FANCD2: variants seen among roughly 807,000 people sequenced by gnomAD.
FANCD2 encodes the protein FA complementation group D2.
A neutral mutation model predicts 192.3 loss-of-function variants in FANCD2; 131 were observed. The observed-to-expected ratio is 0.68, with a 90% CI of 0.59 to 0.79. FANCD2 has a LOEUF of 0.79. Ranked by LOEUF, FANCD2 falls within the 30% of genes least tolerant of loss-of-function variation. The pLI, the probability that FANCD2 is intolerant of heterozygous loss-of-function variation, is 0.00. For synonymous variants in FANCD2, 524 were observed against 612.5 expected (o/e 0.86, Z 2.13); for missense variants, 1,508 against 1,701.6 (o/e 0.89, Z 2.00).
chr3:10,085,681 C>A, intron 32 of FANCD2, 131 bp from the exon 33 acceptor site: 2 of 729,468 alleles, frequency 2.7e-6, no homozygotes, highest in Non-Finnish European at 5.1e-6. Context: ...TGAGCCACCA[C>A]GCCCGACCTC....
chr3:10,061,815 C>T (rs2087575765), intron 19 of FANCD2, among the ~76,000 whole-genome samples: 1 of 152,114 alleles, frequency 6.6e-6, no homozygotes. Flanking sequence ...AGTCAGAATT[C>T]TTAAACTTAT....
At position 10,088,825 on chromosome 3, in the gene FANCD2, C is replaced by T. The variant is rs766698512; in HGVS notation, c.3561-3C>T. 6.2e-7 allele frequency: 1 copy of T among 1,613,912 alleles called. No homozygotes were observed. The highest frequency in any genetic ancestry group is 1.1e-5 in the South Asian group (1 of 91,082). The stretch of plus-strand genomic sequence containing the variant: ...TGGGTCAAATATTTGACTCTCAATG[C>T]AGTATCTACCTGGAGCACACAGAGA... On this transcript the variant is annotated splice_polypyrimidine_tract_variant and splice_region_variant and intron_variant, in intron 35 of 43. Coordinates refer to ENST00000675286, the MANE Select transcript of FANCD2 (RefSeq NM_001018115.3).
At chr3:10,075,728 CTTTTTTTT>C (rs71052292) in intron 29 of FANCD2, among the ~76,000 whole-genome samples, 1 of 106,618 alleles carries the variant, frequency 9.4e-6, no homozygotes, top group African/African-American at 3.7e-5. Flanking sequence ...AAATAGTATC[CTTTTTTTT>C]TTTTTTTTTT....
At chr3:10,043,283 CATAT>C (rs1349859550) in intron 12 of FANCD2, 133 bp downstream of exon 12, 10 of 814,988 alleles carry the variant, frequency 1.2e-5, no homozygotes, top group Admixed American at 6.3e-5. Context: ...TTTCAAATTA[CATAT>C]ATGTATGTGA....
intron 42 of FANCD2, among the ~76,000 whole-genome samples, chr3:10,098,506 A>G (rs1190403119): frequency 6.6e-6 from 1 of 152,210 alleles, no homozygotes; most frequent in East Asian, 1.9e-4. Context: ...ACCTTTCGTT[A>G]CATTACTTAT....
chr3:10,032,407 A>C (rs1266850642), intron 2 of FANCD2: 1 of 303,512 alleles, frequency 3.3e-6, no homozygotes, highest in East Asian at 1.0e-4. Context: ...TAGCCTCCGA[A>C]GTAGCTGGGA....
intron 18 of FANCD2, among the ~76,000 whole-genome samples, chr3:10,054,460 T>C (rs1490971135): frequency 8.9e-4 from 24 of 26,974 alleles, no homozygotes; most frequent in Non-Finnish European, 1.4e-3. Context: ...TATATATATA[T>C]ATATATATAT....
At chr3:10,040,573 C>T (rs1465961065) in intron 9 of FANCD2, 2 of 456,628 alleles carry the variant, frequency 4.4e-6, no homozygotes, top group South Asian at 3.1e-5. Flanking sequence ...CATCAGACCG[C>T]TTGCGGAGAC....
intron 29 of FANCD2, among the ~76,000 whole-genome samples, chr3:10,076,157 A>G (rs1269785272): frequency 6.6e-6 from 1 of 151,850 alleles, no homozygotes; most frequent in African/African-American, 2.4e-5. Context: ...TAGCAGTGTA[A>G]TATAGCTATT....
chr3:10,063,459 T>G (rs2087624303), intron 20 of FANCD2, among the ~76,000 whole-genome samples: 1 of 152,092 alleles, frequency 6.6e-6, no homozygotes, highest in South Asian at 2.1e-4. Context: ...GAAAAAGCTA[T>G]TTGAGAGAGA....
At chr3:10,045,733 G>T (rs532473017) in intron 14 of FANCD2, 1 of 150,854 alleles carries the variant, frequency 6.6e-6, no homozygotes, top group Non-Finnish European at 1.5e-5. Context: ...TCCCAAGTAG[G>T]TGGGATTACA....
At chr3:10,038,579 C>CTT (rs573306335) in intron 7 of FANCD2, among the ~76,000 whole-genome samples, 31 of 128,944 alleles carry the variant, frequency 2.4e-4, no homozygotes, top group Non-Finnish European at 3.2e-4. Flanking sequence ...TATATGCTTG[C>CTT]TTTTTTTTTT....
At chr3:10,028,766 T>A in intron 2 of FANCD2, 45 bp downstream of exon 2, 1 of 1,477,088 alleles carries the variant, frequency 6.8e-7, no homozygotes, top group Non-Finnish European at 9.5e-7. Flanking sequence ...TAGCAATGTG[T>A]GAGGCATGTG....
intron 30 of FANCD2, among the ~76,000 whole-genome samples, chr3:10,078,475 C>T (rs557004916): frequency 1.2e-4 from 18 of 152,000 alleles, no homozygotes; most frequent in South Asian, 4.1e-4. Context: ...CTGCCTCAGC[C>T]TCCCGAGTAG....
chr3:10,075,879 T>C (rs562696555), intron 29 of FANCD2, among the ~76,000 whole-genome samples: 18 of 151,884 alleles, frequency 1.2e-4, no homozygotes, highest in African/African-American at 3.6e-4. Flanking sequence ...TACAGGTGCC[T>C]GCCACCATGC....
intron 42 of FANCD2, among the ~76,000 whole-genome samples, chr3:10,097,139 G>A (rs959307128): frequency 1.3e-5 from 2 of 152,166 alleles, no homozygotes; most frequent in Non-Finnish European, 2.9e-5. Context: ...ACTTAACAGG[G>A]TAATAGAATA....
chr3:10,075,982 T>C (rs917669761), intron 29 of FANCD2, among the ~76,000 whole-genome samples: 6 of 152,066 alleles, frequency 3.9e-5, no homozygotes, highest in Admixed American at 2.0e-4. Context: ...CCGCCCGCCT[T>C]GGCCTCCCAA....
chr3:10,047,228 AACG>A (rs2087046243), intron 15 of FANCD2, among the ~76,000 whole-genome samples: 1 of 152,284 alleles, frequency 6.6e-6, no homozygotes, highest in Non-Finnish European at 1.5e-5. Flanking sequence ...GAATAGATTT[AACG>A]GTTGTATTAT....
intron 19 of FANCD2, among the ~76,000 whole-genome samples, chr3:10,061,860 T>G (rs1270686970): frequency 6.6e-6 from 1 of 150,790 alleles, no homozygotes; most frequent in Non-Finnish European, 1.5e-5. Context: ...AAAGTGAAAT[T>G]AAAATTCTGT....
Sources: gnomAD v4.1 joint callset for allele counts (sites outside exome capture counted in the v4.1 genomes callset) on GRCh38, gnomAD v4.1.1 for gene constraint, MANE v1.5 for transcripts, NCBI Gene and HGNC (gene_info 2026-07-23, HGNC 2026-07-21) for gene names.